CNTN4: variants seen among roughly 807,000 people sequenced by gnomAD.
CNTN4 encodes contactin-4.
In CNTN4, 77 loss-of-function variants were observed where a neutral mutation model predicts 122.5. The ratio of observed to expected loss-of-function variants is 0.63; its 90% CI spans 0.52 to 0.76. The LOEUF (loss-of-function observed/expected upper bound fraction) is 0.76, where lower values mean the gene tolerates loss of function less well. CNTN4 is among the 30% of genes least tolerant of loss of function. The probability of loss-of-function intolerance (pLI) is 0.00; values close to 1 mark genes in which losing one functional copy is unlikely to be tolerated. For synonymous variants in CNTN4, 512 were observed against 447.0 expected (o/e 1.15, Z -1.83); for missense variants, 1,256 against 1,259.1 (o/e 1.00, Z 0.04).
At chr3:2,388,206 C>G (rs536780683) in intron 3 of CNTN4, among the ~76,000 whole-genome samples, 49 of 152,282 alleles carry the variant, frequency 3.2e-4, no homozygotes, top group Non-Finnish European at 6.8e-4. Flanking sequence ...GCTGTAGATA[C>G]ATTTGCTAAA....
intron 3 of CNTN4, among the ~76,000 whole-genome samples, chr3:2,499,397 A>G (rs534955359): frequency 6.6e-6 from 1 of 152,248 alleles, no homozygotes; most frequent in Non-Finnish European, 1.5e-5. Context: ...TCCTGATTAA[A>G]TAATAATGAT....
Position 2,925,731 on chromosome 3 carries a change from C to A in CNTN4, c.1310C>A (p.Pro437His). 2 of 1,613,784 alleles carry A rather than the reference C, an allele frequency of 1.2e-6. No individual in the cohort carries two copies. Among genetic ancestry groups the A allele is most frequent in the Non-Finnish European group, 1.7e-6 (2 of 1,179,784 alleles). The change falls in exon 13 of 25, where the codon CCT becomes CAT. Residue 437 changes from proline to histidine, a missense_variant. Coordinates refer to ENST00000418658, the MANE Select transcript of CNTN4 (RefSeq NM_175607.3). ...IECKPKASPK[P>H]VYTWKKGRDI... ...TGTAAGCCAAAAGCGTCTCCAAAAC[C>A]TGTTTACACCTGGAAGAAAGGAAGG...
At chr3:2,776,217 A>G (rs1576746138) in intron 6 of CNTN4, among the ~76,000 whole-genome samples, 1 of 149,832 alleles carries the variant, frequency 6.7e-6, no homozygotes, top group East Asian at 2.0e-4. Flanking sequence ...GGATTACATC[A>G]TTTTCCATAC....
At chr3:2,119,505 T>C (rs951618309) in intron 2 of CNTN4, among the ~76,000 whole-genome samples, 12 of 152,190 alleles carry the variant, frequency 7.9e-5, no homozygotes, top group Admixed American at 3.9e-4. Flanking sequence ...AATACTGCCA[T>C]CTCCAACACT....
intron 2 of CNTN4, among the ~76,000 whole-genome samples, chr3:2,172,894 C>G (rs191463570): frequency 1.1e-4 from 16 of 152,242 alleles, no homozygotes; most frequent in African/African-American, 3.6e-4. Context: ...AGTGCTTGGT[C>G]CCTGATGGCA....
intron 12 of CNTN4, among the ~76,000 whole-genome samples, chr3:2,917,200 C>A (rs1327890060): frequency 9.3e-5 from 14 of 151,310 alleles, no homozygotes; most frequent in Admixed American, 5.9e-4. Context: ...AGTCGGCAGG[C>A]TGAGGCAGGA....
intron 7 of CNTN4, among the ~76,000 whole-genome samples, chr3:2,832,111 C>G (rs1459011808): frequency 6.6e-6 from 1 of 152,134 alleles, no homozygotes; most frequent in East Asian, 1.9e-4. Context: ...CTCTGCAAGC[C>G]AGCACTCCTT....
chr3:2,229,255 T>C (rs1171880592), intron 2 of CNTN4, among the ~76,000 whole-genome samples: 4 of 152,180 alleles, frequency 2.6e-5, no homozygotes, highest in Non-Finnish European at 4.4e-5. Flanking sequence ...CATTAGGATG[T>C]GGTGATAATG....
chr3:2,616,634 G>A (rs1467359786), intron 4 of CNTN4, among the ~76,000 whole-genome samples: 2 of 152,082 alleles, frequency 1.3e-5, no homozygotes, highest in Non-Finnish European at 2.9e-5. Flanking sequence ...AGTGTCACCA[G>A]CGTCTATTGT....
At chr3:2,766,658 G>C (rs2090874379) in intron 6 of CNTN4, among the ~76,000 whole-genome samples, 1 of 152,114 alleles carries the variant, frequency 6.6e-6, no homozygotes, top group South Asian at 2.1e-4. Context: ...TACTGCTTGG[G>C]TCATGGGTGC....
intron 3 of CNTN4, among the ~76,000 whole-genome samples, chr3:2,500,205 C>T (rs909112047): frequency 6.6e-6 from 1 of 151,844 alleles, no homozygotes; most frequent in Non-Finnish European, 1.5e-5. Flanking sequence ...TGAATAATAC[C>T]AGGAGTTTAA....
At chr3:3,031,662 CT>C (rs1264409204) in intron 16 of CNTN4, among the ~76,000 whole-genome samples, 1 of 152,132 alleles carries the variant, frequency 6.6e-6, no homozygotes, top group African/African-American at 2.4e-5. Flanking sequence ...TGTAAATGGA[CT>C]TTTAAGAAAT....
chr3:2,314,460 A>C (rs1360911295), intron 2 of CNTN4, among the ~76,000 whole-genome samples: 2 of 151,968 alleles, frequency 1.3e-5, no homozygotes, highest in Non-Finnish European at 2.9e-5. Context: ...TGAGGTTGGC[A>C]TTTCGGTGAA....
chr3:2,984,156 C>CCTTCTA (rs2125241243), intron 13 of CNTN4, among the ~76,000 whole-genome samples: 1 of 152,212 alleles, frequency 6.6e-6, no homozygotes, highest in Non-Finnish European at 1.5e-5. Flanking sequence ...GCAAAGAGAG[C>CCTTCTA]CTTCTACTAC....
chr3:2,587,048 CCT>C (rs1448720907), intron 4 of CNTN4, among the ~76,000 whole-genome samples: 1 of 152,012 alleles, frequency 6.6e-6, no homozygotes, highest in Admixed American at 6.6e-5. Flanking sequence ...TGTTCATTTC[CCT>C]CTGAGTTAAA....
intron 2 of CNTN4, among the ~76,000 whole-genome samples, chr3:2,279,486 A>G (rs1287290274): frequency 6.6e-6 from 1 of 152,210 alleles, no homozygotes; most frequent in African/African-American, 2.4e-5. Flanking sequence ...CAGACAAATG[A>G]CACGTGCGAG....
In CNTN4 at chr3:2,747,360, G is replaced by C. The variant is rs537243975; in HGVS notation, c.358+1663G>C. Among the ~76,000 whole-genome samples the C allele has an allele frequency of 3.4e-3, 519 of 151,562 alleles. 8 individuals carry two copies. The highest frequency in any genetic ancestry group is 0.012 in the African/African-American group (497 of 41,204). Reference sequence around the variant, plus strand: ...GGAGGCGGAGCTTGCAGTGAGCCGAGATGGCGCCACTGGACTCCAGCCTGG... The same window carrying C: ...GGAGGCGGAGCTTGCAGTGAGCCGACATGGCGCCACTGGACTCCAGCCTGG... On this transcript the variant is annotated intron_variant, in intron 6 of 24. Transcript: ENST00000418658.
At position 2,128,341 on chromosome 3, in the gene CNTN4, T is replaced by C. The variant is rs540839895; in HGVS notation, c.-145+27702T>C. Reference sequence around the variant, plus strand: ...ATACTAGCTAATATTTATTGAATACTTATTATGCAGTAGATTCAATATTTT... The same window carrying C: ...ATACTAGCTAATATTTATTGAATACCTATTATGCAGTAGATTCAATATTTT... On this transcript the variant is annotated intron_variant, in intron 2 of 24. Coordinates refer to ENST00000418658, the MANE Select transcript of CNTN4 (RefSeq NM_175607.3). 2.0e-5 allele frequency among the ~76,000 whole-genome samples: 3 copies of C among 152,340 alleles called. No individual in the cohort carries two copies. In the South Asian group the frequency reaches 6.2e-4, roughly 32 times the overall value.
chr3:2,471,667 T>C lies in CNTN4; in HGVS notation c.-88-99749T>C, dbSNP rs1376510347. ...GGCCATCTGTCCCTCCAGAGGTGCA[T>C]TGGTTCACAGTATTCCAAAATGAGG... On this transcript the variant is annotated intron_variant, in intron 3 of 24. Coordinates refer to ENST00000418658, the MANE Select transcript of CNTN4 (RefSeq NM_175607.3). Among the ~76,000 whole-genome samples the C allele has an allele frequency of 3.3e-5, 5 of 152,322 alleles. No individual in the cohort carries two copies. The East Asian group carries it at 7.7e-4, about 24-fold the overall frequency.
Sources: allele counts gnomAD v4.1 joint callset (sites outside exome capture counted in the v4.1 genomes callset), GRCh38; gene constraint gnomAD v4.1.1; transcripts MANE v1.5; gene names NCBI Gene and HGNC (gene_info 2026-07-23, HGNC 2026-07-21).